The following CFAP298 variants were observed in gnomAD, a reference collection of about 807,000 sequenced individuals.
CFAP298 encodes cilia and flagella associated protein 298, also known as cilia- and flagella-associated protein 298.
A neutral mutation model predicts 41.0 loss-of-function variants in CFAP298; 38 were observed. That is an observed-to-expected ratio of 0.93 (90% CI 0.72 to 1.22). CFAP298 has a LOEUF of 1.22. Among genes scored for constraint, CFAP298 ranks in the 50% most tolerant of loss-of-function variants. The pLI, the probability that CFAP298 is intolerant of heterozygous loss-of-function variation, is 0.00. For synonymous variants in CFAP298, 137 were observed against 135.3 expected (o/e 1.01, Z -0.09); for missense variants, 348 against 360.3 (o/e 0.97, Z 0.28).
At chr21:32,606,786 A>C (rs1474564370) in intron 3 of CFAP298, among the ~76,000 whole-genome samples, 1 of 152,266 alleles carries the variant, frequency 6.6e-6, no homozygotes, top group Non-Finnish European at 1.5e-5. Flanking sequence ...TAATATCACC[A>C]ACACACAAAT....
rs1366052385 is a variant in CFAP298, at chr21:32,612,292, G to A, written c.-49C>T. On this transcript the variant is annotated 5_prime_UTR_variant, in exon 1 of 7. Transcript: ENST00000290155. ...GCGTTGAGAAGGCCCCGGCTGCGTG[G>A]CCCGCGGGTCCTGCCGGCCGAGGGT... 4 of 1,390,256 alleles carry A rather than the reference G, an allele frequency of 2.9e-6. No individual in the cohort carries two copies. The Admixed American group carries it at 6.6e-5, about 23-fold the overall frequency. 86.1% of individuals were successfully genotyped at this position (1,390,256 alleles called of 1,614,324 possible).
At position 32,612,053 on chromosome 21, in the gene CFAP298, T is replaced by C. The variant is rs538790529; in HGVS notation, c.139+52A>G. On this transcript the variant is annotated intron_variant, in intron 1 of 6. Coordinates refer to ENST00000290155, the MANE Select transcript of CFAP298 (RefSeq NM_021254.4). ...GGCCCACCCTGCCCCTCTTTCTCCA[T>C]CCCACGCCGGTCTCTCGATCTGTCC... 1,157 of 1,485,594 alleles carry C rather than the reference T, an allele frequency of 7.8e-4. No homozygotes were observed. In the African/African-American group the frequency reaches 9.7e-3, roughly 12 times the overall value. The allele number at this position is 1,485,594 out of a possible 1,614,324, so 92.0% of individuals were successfully genotyped here. A position where few individuals can be genotyped will look rare whatever the true frequency, so the allele number is the denominator to read the frequency against.
At chr21:32,604,920 T>C (rs1227805233) in intron 3 of CFAP298, among the ~76,000 whole-genome samples, 3 of 152,206 alleles carry the variant, frequency 2.0e-5, no homozygotes, top group African/African-American at 4.8e-5. Flanking sequence ...TCACACCTTA[T>C]GTAATCCCAG....
rs1477884298 is a variant in CFAP298 at position 32,601,754 on chromosome 21, T to C, written c.*109A>G. On this transcript the variant is annotated 3_prime_UTR_variant, in exon 7 of 7. Transcript: ENST00000290155. Reference sequence around the variant, plus strand: ...CACACTAAAAGAAAACTAGAAATGTTAACATCTTTTACAGAGGGCAGTAAG... The same window carrying C: ...CACACTAAAAGAAAACTAGAAATGTCAACATCTTTTACAGAGGGCAGTAAG... The C allele has an allele frequency of 1.6e-6, 1 of 612,678 alleles. No individual in the cohort carries two copies. 38.0% of individuals were successfully genotyped at this position (612,678 alleles called of 1,614,324 possible).
chr21:32,610,045 C>G, intron 1 of CFAP298, 40 bp from the exon 2 acceptor site: 1 of 1,552,330 alleles, frequency 6.4e-7, no homozygotes, highest in East Asian at 2.3e-5. Flanking sequence ...ATCATAACAC[C>G]TCATACCCCA....
In CFAP298 at chr21:32,601,958, CATT is replaced by C. The variant is rs748091713; in HGVS notation, c.775_777del (p.Asn259del). The C allele has an allele frequency of 1.9e-5, 31 of 1,596,320 alleles. No individual in the cohort carries two copies. Among genetic ancestry groups the C allele is most frequent in the African/African-American group, 4.0e-5 (3 of 74,558 alleles). ...GGTGAGTTTAAATAGGCATCATCAT[CATT>C]TTCTTCCAATCTCTGGAAATAAGTA... is the stretch of plus-strand genomic sequence containing the variant. On this transcript the variant is annotated inframe_deletion, in exon 7 of 7. Transcript: ENST00000290155.
chr21:32,606,186 A>G (rs931851999), intron 3 of CFAP298, among the ~76,000 whole-genome samples: 6 of 152,312 alleles, frequency 3.9e-5, no homozygotes, highest in African/African-American at 9.6e-5. Context: ...CAAAGAGCTC[A>G]TTTCTAGAAA....
At chr21:32,611,655 A>C (rs2039003662) in intron 1 of CFAP298, among the ~76,000 whole-genome samples, 1 of 152,138 alleles carries the variant, frequency 6.6e-6, no homozygotes, top group East Asian at 1.9e-4. Flanking sequence ...AAGATCACCA[A>C]GGCTTCCTCA....
At chr21:32,608,237 A>C (rs536781754) in intron 2 of CFAP298, among the ~76,000 whole-genome samples, 1 of 152,010 alleles carries the variant, frequency 6.6e-6, no homozygotes, top group African/African-American at 2.4e-5. Flanking sequence ...AAAAAAAAAA[A>C]AAAAAAAGAA....
chr21:32,602,356 T>C lies in CFAP298; in HGVS notation c.678A>G (p.Gly226=), dbSNP rs1466768381. 1.2e-6 allele frequency: 2 copies of C among 1,613,148 alleles called. No individual in the cohort carries two copies. The highest frequency in any genetic ancestry group is 1.3e-5 in the African/African-American group (1 of 74,900). The change falls in exon 6 of 7, where the codon GGA becomes GGG. Residue 226 remains glycine (G), a synonymous_variant. Transcript: ENST00000290155. ...IIAKIQQRGQ[G]APAREPIISS... ...TAATAATAGGCTCTCGGGCTGGAGC[T>C]CCCTGTCCCCTCTGCAAAGAGGAGA...
chr21:32,612,196 C>A lies in CFAP298; in HGVS notation c.48G>T (p.Leu16=). 1 of 1,606,420 alleles carries A rather than the reference C, an allele frequency of 6.2e-7. No individual in the cohort carries two copies. Among genetic ancestry groups the A allele is most frequent in the Admixed American group, 1.7e-5 (1 of 59,358 alleles). The change falls in exon 1 of 7, where the codon CTG becomes CTT. Residue 16 remains leucine (L), a synonymous_variant. Transcript: ENST00000290155. ...CCAGCTCGGTACTCCCAGGCGCCTG[C>A]AGCAGGAACTGGCTCTCGTCGCCCC... The part of the protein sequence containing the change: ...VKRGDESQFL[L]QAPGSTELEE...
At chr21:32,611,344 ATTTATATT>A (rs2038992678) in intron 1 of CFAP298, among the ~76,000 whole-genome samples, 1 of 110,226 alleles carries the variant, frequency 9.1e-6, no homozygotes, top group African/African-American at 4.9e-5. Flanking sequence ...TATATAATTT[ATTTATATT>A]TATATATACA....
Position 32,612,332 on chromosome 21 carries a change from C to A in CFAP298, c.-89G>T. 1.4e-6 allele frequency: 2 copies of A among 1,456,704 alleles called. No individual in the cohort carries two copies. Among genetic ancestry groups the A allele is most frequent in the African/African-American group, 1.4e-5 (1 of 69,968 alleles). 90.2% of individuals were successfully genotyped at this position (1,456,704 alleles called of 1,614,324 possible). ...CGGCCGAGGGTCGCCGGATCGCCAG[C>A]AGCTGCGACGCACTAACAGCCGCTC... On this transcript the variant is annotated 5_prime_UTR_variant, in exon 1 of 7. Coordinates refer to ENST00000290155, the MANE Select transcript of CFAP298 (RefSeq NM_021254.4).
chr21:32,608,167 C>T (rs2038908656), intron 2 of CFAP298, among the ~76,000 whole-genome samples: 1 of 150,260 alleles, frequency 6.7e-6, no homozygotes, highest in Admixed American at 6.6e-5. Flanking sequence ...TGACCTGTAG[C>T]CCATAATTTG....
rs1030141335 is a variant in CFAP298 at position 32,600,383 on chromosome 21, G to A, written c.*1480C>T. ...GGCAAGGCCGCCTGGCAGCAGGCAG[G>A]AACCAAACCCCTGCCACCTCCACTC... is the stretch of plus-strand genomic sequence containing the variant. On this transcript the variant is annotated 3_prime_UTR_variant, in exon 7 of 7. Coordinates refer to ENST00000290155, the MANE Select transcript of CFAP298 (RefSeq NM_021254.4). Among the ~76,000 whole-genome samples the A allele has an allele frequency of 1.3e-5, 2 of 152,226 alleles. No individual in the cohort carries two copies. Among genetic ancestry groups the A allele is most frequent in the African/African-American group, 4.8e-5 (2 of 41,462 alleles).
At chr21:32,611,343 T>TATATATATATATATATATATATATAAA (rs1568998532) in intron 1 of CFAP298, among the ~76,000 whole-genome samples, 1 of 121,138 alleles carries the variant, frequency 8.3e-6, no homozygotes, top group East Asian at 2.2e-4. Context: ...ATATATAATT[T>TATATATATATATATATATATATATAAA]ATTTATATTT....
intron 2 of CFAP298, among the ~76,000 whole-genome samples, chr21:32,609,191 C>T (rs1223005055): frequency 1.3e-5 from 2 of 152,126 alleles, no homozygotes; most frequent in Non-Finnish European, 2.9e-5. Flanking sequence ...CCAACATTTG[C>T]GAACAGTAAC....
intron 5 of CFAP298, 29 bp downstream of exon 5, chr21:32,603,132 A>G (rs1272019271): frequency 6.2e-7 from 1 of 1,613,632 alleles, no homozygotes; most frequent in Admixed American, 1.7e-5. Flanking sequence ...AACAAAAACT[A>G]CTGACACATT....
rs2038863584 is a variant in CFAP298, at chr21:32,606,161, A to AGAGGAGT, written c.375+1481_375+1487dup. Among the ~76,000 whole-genome samples the AGAGGAGT allele has an allele frequency of 1.3e-5, 2 of 152,142 alleles. 1 individual carries two copies. Among genetic ancestry groups the AGAGGAGT allele is most frequent in the South Asian group, 4.1e-4 (2 of 4,826 alleles). ...ATTCTCAGGGACAGAACAGAGAGGG[A>AGAGGAGT]GAGGAGTGAGGAAGCAAAGAGCTCA... On this transcript the variant is annotated intron_variant, in intron 3 of 6. Coordinates refer to ENST00000290155, the MANE Select transcript of CFAP298 (RefSeq NM_021254.4).
Sources: allele counts gnomAD v4.1 joint callset (sites outside exome capture counted in the v4.1 genomes callset), GRCh38; gene constraint gnomAD v4.1.1; transcripts MANE v1.5; gene names NCBI Gene and HGNC (gene_info 2026-07-23, HGNC 2026-07-21).